HDAC6: variants seen among roughly 807,000 people sequenced by gnomAD.
HDAC6 encodes the protein protein deacetylase HDAC6.
A neutral mutation model predicts 88.9 loss-of-function variants in HDAC6; 5 were observed. That is an observed-to-expected ratio of 0.06 (90% CI 0.03 to 0.12). The LOEUF (loss-of-function observed/expected upper bound fraction) is 0.12, where lower values mean the gene tolerates loss of function less well. Ranked by LOEUF, HDAC6 falls within the 10% of genes least tolerant of loss-of-function variation. HDAC6 has a pLI of 1.00. For synonymous variants in HDAC6, 378 were observed against 398.0 expected (o/e 0.95, Z 0.60); for missense variants, 706 against 1,014.4 (o/e 0.70, Z 4.13).
chrX:48,823,188 G>C lies in HDAC6; in HGVS notation c.2789G>C (p.Gly930Ala), dbSNP rs782677829. Reference sequence around the variant, plus strand: ...CAGACCATTTCTGAGGCAGCCATTGGGGGAGCCATGCTGGGCCAGACCACC... The same window carrying C: ...CAGACCATTTCTGAGGCAGCCATTGCGGGAGCCATGCTGGGCCAGACCACC... ...LAQTISEAAI[G>A]GAMLGQTTSE... Residue 930 changes from glycine (G) to alanine (A), a missense_variant, in exon 25 of 29, where the codon GGG becomes GCG. Physicochemically the swap from Gly to Ala is moderately conservative, Grantham distance 60. Transcript: ENST00000334136. 13 of 1,204,777 alleles carry C rather than the reference G, an allele frequency of 1.1e-5. No homozygotes were observed. Among genetic ancestry groups the C allele is most frequent in the Non-Finnish European group, 1.5e-5 (13 of 892,712 alleles).
chrX:48,803,758 A>G (rs1239461614), intron 4 of HDAC6, among the ~76,000 whole-genome samples: 1 of 112,071 alleles, frequency 8.9e-6, no homozygotes, highest in Non-Finnish European at 1.9e-5. Flanking sequence ...ATCATCACTC[A>G]CCTAGACTTG....
intron 10 of HDAC6, chrX:48,810,702 G>A (rs1267685250): frequency 2.7e-5 from 3 of 109,257 alleles, no homozygotes; most frequent in Non-Finnish European, 5.7e-5. Flanking sequence ...TCGACCTCCC[G>A]GGCTCAAGCA....
chrX:48,803,964 A>C (rs2062770929), intron 4 of HDAC6, among the ~76,000 whole-genome samples: 1 of 112,233 alleles, frequency 8.9e-6, no homozygotes, highest in Non-Finnish European at 1.9e-5. Context: ...GGAGTTCGAG[A>C]CCGGTCTGAC....
intron 10 of HDAC6, among the ~76,000 whole-genome samples, chrX:48,808,596 C>A (rs1269823074): frequency 1.8e-5 from 2 of 112,026 alleles, no homozygotes; most frequent in Admixed American, 1.9e-4. Flanking sequence ...CGGGATTTGA[C>A]CCACAAATAT....
chrX:48,820,218 T>A lies in HDAC6; in HGVS notation c.2300T>A (p.Met767Lys). Reference sequence around the variant, plus strand: ...TATGCCCACCTCACCCACCTGCTGATGGGCCTTGCCAGTGGCCGCATTATC... The same window carrying A: ...TATGCCCACCTCACCCACCTGCTGAAGGGCCTTGCCAGTGGCCGCATTATC... ...EGYAHLTHLL[M>K]GLASGRIILI... Residue 767 changes from methionine (M) to lysine (K), a missense_variant, in exon 23 of 29, where the codon ATG becomes AAG. By Grantham distance (95) the Met-to-Lys change is moderately conservative (BLOSUM62 -1). Transcript: ENST00000334136. The A allele has an allele frequency of 8.3e-7, 1 of 1,207,116 alleles. No individual in the cohort carries two copies. The highest frequency in any genetic ancestry group is 1.8e-5 in the South Asian group (1 of 56,196).
chrX:48,801,832 G>A, upstream of HDAC6: 2 of 970,391 alleles, frequency 2.1e-6, no homozygotes, highest in East Asian at 1.5e-4. Flanking sequence ...GAGAGACGAG[G>A]CCCAATGGAA....
At chrX:48,805,778 G>C (rs1462770684) in intron 6 of HDAC6, 107 bp downstream of exon 6, 1 of 645,306 alleles carries the variant, frequency 1.5e-6, no homozygotes, top group Non-Finnish European at 2.4e-6. Flanking sequence ...AGCCAGCCTT[G>C]GGCAAGTCGC....
chrX:48,817,519 C>A (rs5906712), intron 20 of HDAC6, 60 bp downstream of exon 20: 9 of 1,093,048 alleles, frequency 8.2e-6, no homozygotes, highest in Admixed American at 7.3e-5. Flanking sequence ...GATGCTCCCC[C>A]CAGCCCATTG....
intron 10 of HDAC6, 25 bp downstream of exon 10, chrX:48,808,351 G>A: frequency 8.9e-7 from 1 of 1,128,387 alleles, no homozygotes; most frequent in Non-Finnish European, 1.2e-6. Flanking sequence ...CCACCTAGGT[G>A]CTAGACTCCC....
In HDAC6 at chrX:48,816,208, G is replaced by A. The variant is rs782402831; in HGVS notation, c.1561G>A (p.Gly521Arg). The A allele has an allele frequency of 2.0e-4, 242 of 1,209,717 alleles. No homozygotes were observed. Among genetic ancestry groups the A allele is most frequent in the East Asian group, 3.0e-4 (10 of 33,741 alleles). The change falls in exon 18 of 29, where the codon GGG becomes AGG. Residue 521 changes from glycine to arginine, a missense_variant. Physicochemically the swap from Gly to Arg is moderately radical, Grantham distance 125 (BLOSUM62 -2). This residue lies in a region of HDAC6 where 138 missense variants were observed against 303.5 expected (regional missense o/e 0.45). Transcript: ENST00000334136. Reference protein sequence around the residue: ...MCRLEELGLAGRCLTLTPRPA... With the variant: ...MCRLEELGLARRCLTLTPRPA... The stretch of plus-strand genomic sequence containing the variant: ...CCGTCTGGAGGAGCTGGGCCTTGCC[G>A]GGCGCTGCCTCACCCTGACACCGCG...
chrX:48,821,920 G>A (rs1256456264), intron 23 of HDAC6, among the ~76,000 whole-genome samples: 2 of 112,065 alleles, frequency 1.8e-5, no homozygotes, highest in East Asian at 5.6e-4. Flanking sequence ...GACAGGACAC[G>A]GTGGGAGTTA....
chrX:48,802,838 C>T, intron 2 of HDAC6, 33 bp from the exon 3 acceptor site: 1 of 1,207,355 alleles, frequency 8.3e-7, no homozygotes, highest in Non-Finnish European at 1.1e-6. Context: ...GTTGGTCATG[C>T]CCTGGACTCT....
intron 6 of HDAC6, 99 bp from the exon 7 acceptor site, chrX:48,806,269 T>TG: frequency 1.9e-6 from 1 of 534,562 alleles, no homozygotes; most frequent in Non-Finnish European, 3.4e-6. Flanking sequence ...GGTTGACAGT[T>TG]GGGGGAGCCA....
At chrX:48,801,821 C>G (rs1222844196), upstream of HDAC6, 24 of 964,050 alleles carry the variant, frequency 2.5e-5, no homozygotes, top group South Asian at 4.4e-4. Context: ...GGCGGGCAGT[C>G]GAGAGACGAG....
Position 48,816,059 on chromosome X carries a change from A to C in HDAC6, c.1493+7A>C. 8.3e-7 allele frequency: 1 copy of C among 1,211,118 alleles called. No homozygotes were observed. The highest frequency in any genetic ancestry group is 3.0e-5 in the East Asian group (1 of 33,811). On this transcript the variant is annotated splice_region_variant and intron_variant, in intron 17 of 28. Coordinates refer to ENST00000334136, the MANE Select transcript of HDAC6 (RefSeq NM_006044.4). Reference sequence around the variant, plus strand: ...ACTGCAACTTGTGGGACAGGTAGGCATTTGGAGGGCTGGATGAGTAGGTGT... The same window carrying C: ...ACTGCAACTTGTGGGACAGGTAGGCCTTTGGAGGGCTGGATGAGTAGGTGT...
chrX:48,820,470 T>C (rs2063063181), intron 23 of HDAC6, among the ~76,000 whole-genome samples: 1 of 112,452 alleles, frequency 8.9e-6, no homozygotes, highest in African/African-American at 3.2e-5. Flanking sequence ...ATGTGTCTTA[T>C]TCATTCAGTT....
intron 4 of HDAC6, chrX:48,803,429 C>G (rs782231028): frequency 2.4e-5 from 10 of 410,068 alleles, no homozygotes; most frequent in Middle Eastern, 1.4e-3. Context: ...ACAAATGTAC[C>G]AAACAACAGA....
At chrX:48,809,928 A>G (rs1451764881) in intron 10 of HDAC6, among the ~76,000 whole-genome samples, 1 of 111,712 alleles carries the variant, frequency 9.0e-6, no homozygotes, top group Non-Finnish European at 1.9e-5. Flanking sequence ...CACTTATCCA[A>G]GATCTGAAGA....
rs1170735602 is a variant in HDAC6 at position 48,820,271 on chromosome X, T to A, written c.2337+16T>A. 1.7e-6 allele frequency: 2 copies of A among 1,154,157 alleles called. No individual in the cohort carries two copies. The highest frequency in any genetic ancestry group is 2.3e-6 in the Non-Finnish European group (2 of 863,358). ...TATCCTAGAGGTAACTTTCTCTTGG[T>A]CCCTCTTCCCACAGTGGGAGGGTAG... On this transcript the variant is annotated intron_variant, in intron 23 of 28. Coordinates refer to ENST00000334136, the MANE Select transcript of HDAC6 (RefSeq NM_006044.4).
Sources: gnomAD v4.1 joint callset for allele counts (sites outside exome capture counted in the v4.1 genomes callset) on GRCh38, gnomAD v4.1.1 for gene constraint, gnomAD v4.1.1 regional missense constraint, MANE v1.5 for transcripts, NCBI Gene and HGNC (gene_info 2026-07-23, HGNC 2026-07-21) for gene names.